CTNNA2: variants seen among roughly 807,000 people sequenced by gnomAD.
The protein encoded by CTNNA2 is catenin alpha 2, also known as catenin alpha-2.
CTNNA2 carries 42 observed loss-of-function variants against 101.0 expected under a neutral mutation model. The observed-to-expected ratio is 0.42, with a 90% CI of 0.32 to 0.54. CTNNA2 has a LOEUF of 0.54. Ranked by LOEUF, CTNNA2 falls within the 20% of genes least tolerant of loss-of-function variation. The pLI, the probability that CTNNA2 is intolerant of heterozygous loss-of-function variation, is 0.14. For synonymous variants in CTNNA2, 450 were observed against 456.4 expected (o/e 0.99, Z 0.18); for missense variants, 871 against 1,223.1 (o/e 0.71, Z 4.29).
At chr2:79,503,197 C>G (rs1159396827) in intron 4 of CTNNA2, among the ~76,000 whole-genome samples, 1 of 151,966 alleles carries the variant, frequency 6.6e-6, no homozygotes, top group Admixed American at 6.6e-5. Flanking sequence ...GAAAATAAGC[C>G]CTCACAAAGA....
intron 7 of CTNNA2, among the ~76,000 whole-genome samples, chr2:79,919,180 G>A (rs1686480586): frequency 6.6e-6 from 1 of 152,176 alleles, no homozygotes; most frequent in East Asian, 1.9e-4. Flanking sequence ...GCTGTTCAGA[G>A]CGGTGCTGTT....
intron 7 of CTNNA2, among the ~76,000 whole-genome samples, chr2:80,073,169 G>C (rs1443506309): frequency 1.3e-5 from 2 of 152,210 alleles, no homozygotes; most frequent in East Asian, 3.9e-4. Flanking sequence ...CATGGGGAAA[G>C]GAGATGCCGG....
At chr2:80,403,732 G>A (rs1678794565) in intron 8 of CTNNA2, among the ~76,000 whole-genome samples, 1 of 152,140 alleles carries the variant, frequency 6.6e-6, no homozygotes, top group South Asian at 2.1e-4. Flanking sequence ...GTATGATATT[G>A]GCTGTGGGTT....
At chr2:79,565,633 G>T (rs1231387597) in intron 1 of CTNNA2, among the ~76,000 whole-genome samples, 1 of 152,180 alleles carries the variant, frequency 6.6e-6, no homozygotes, top group African/African-American at 2.4e-5. Flanking sequence ...CTTCACTCAT[G>T]CTAGTGGTAA....
chr2:80,239,231 C>T (rs1030448115), intron 7 of CTNNA2, among the ~76,000 whole-genome samples: 1 of 152,162 alleles, frequency 6.6e-6, no homozygotes, highest in Non-Finnish European at 1.5e-5. Context: ...GAAGAGTGCT[C>T]TCATGCTGGG....
intron 7 of CTNNA2, chr2:80,289,206 C>T (rs543408287): frequency 2.6e-5 from 4 of 151,982 alleles, no homozygotes; most frequent in Admixed American, 1.3e-4. Context: ...CTGGGAAGAA[C>T]CATAATATTA....
chr2:80,322,926 TTGCCA>T (rs1254993550), intron 7 of CTNNA2, among the ~76,000 whole-genome samples: 1 of 152,200 alleles, frequency 6.6e-6, no homozygotes, highest in Non-Finnish European at 1.5e-5. Context: ...AGCCCACCCC[TTGCCA>T]TTCCAGGCAT....
At chr2:79,715,560 T>C (rs1215865201) in intron 2 of CTNNA2, among the ~76,000 whole-genome samples, 1 of 152,104 alleles carries the variant, frequency 6.6e-6, no homozygotes, top group Non-Finnish European at 1.5e-5. Context: ...CAAACCACAG[T>C]ATACATATAA....
At position 79,768,918 on chromosome 2, in the gene CTNNA2, C is replaced by G. The variant is rs899661412; in HGVS notation, c.298+24336C>G. Among the ~76,000 whole-genome samples the G allele has an allele frequency of 5.3e-5, 8 of 152,108 alleles. No homozygotes were observed. The East Asian group carries it at 5.9e-4, about 11-fold the overall frequency. The stretch of plus-strand genomic sequence containing the variant: ...CGCCCAGGCTGGAGTGCAGTGGCGC[C>G]ATCTCGGCTCACTGCAAGCTCCACC... On this transcript the variant is annotated intron_variant, in intron 3 of 18. Coordinates refer to ENST00000402739, the MANE Select transcript of CTNNA2 (RefSeq NM_001282597.3).
intron 4 of CTNNA2, among the ~76,000 whole-genome samples, chr2:79,440,366 C>T (rs1047901068): frequency 1.3e-5 from 2 of 152,038 alleles, no homozygotes; most frequent in African/African-American, 2.4e-5. Flanking sequence ...GGAACCAATG[C>T]GCTGGAGGGT....
chr2:79,720,730 A>G (rs191719556), intron 2 of CTNNA2, among the ~76,000 whole-genome samples: 1 of 152,088 alleles, frequency 6.6e-6, no homozygotes, highest in East Asian at 1.9e-4. Flanking sequence ...TTTTGTACAT[A>G]TCCAGGAACC....
At chr2:79,841,051 G>A (rs1308434653) in intron 3 of CTNNA2, among the ~76,000 whole-genome samples, 1 of 152,000 alleles carries the variant, frequency 6.6e-6, no homozygotes, top group African/African-American at 2.4e-5. Flanking sequence ...TTACAGGCGT[G>A]AGCCACCGCG....
chr2:80,126,397 A>T (rs1410314038), intron 7 of CTNNA2, among the ~76,000 whole-genome samples: 5 of 151,230 alleles, frequency 3.3e-5, no homozygotes, highest in Non-Finnish European at 7.4e-5. Flanking sequence ...TCAAGGGGAG[A>T]TCTTCTCTGG....
At chr2:79,290,467 C>A (rs373445685) in intron 2 of CTNNA2, among the ~76,000 whole-genome samples, 1 of 152,106 alleles carries the variant, frequency 6.6e-6, no homozygotes. Flanking sequence ...CCTTTGTGCC[C>A]AAATGTTGCA....
chr2:80,115,348 T>C (rs1261898021), intron 7 of CTNNA2, among the ~76,000 whole-genome samples: 2 of 152,176 alleles, frequency 1.3e-5, no homozygotes, highest in African/African-American at 4.8e-5. Context: ...TATACACTTA[T>C]GATAATTGGT....
intron 3 of CTNNA2, among the ~76,000 whole-genome samples, chr2:79,791,792 C>G (rs1209221237): frequency 6.6e-6 from 1 of 152,168 alleles, no homozygotes; most frequent in Non-Finnish European, 1.5e-5. Flanking sequence ...CTAGGGGCTG[C>G]AAATTCTCAG....
chr2:80,420,034 GAAAAAAAAAAAAAAAA>G (rs527701227), intron 9 of CTNNA2, among the ~76,000 whole-genome samples: 1 of 37,518 alleles, frequency 2.7e-5, no homozygotes, highest in Non-Finnish European at 6.0e-5. Context: ...GGGAACTTGT[GAAAAAAAAAAAAAAAA>G]AAAAAAAAAA....
At chr2:79,735,387 C>T (rs552541549) in intron 2 of CTNNA2, among the ~76,000 whole-genome samples, 19 of 152,136 alleles carry the variant, frequency 1.2e-4, no homozygotes, top group African/African-American at 3.6e-4. Flanking sequence ...CACATCTCAC[C>T]GACAACATGA....
chr2:79,215,172 A>C (rs1431862106), intron 2 of CTNNA2, among the ~76,000 whole-genome samples: 2 of 152,120 alleles, frequency 1.3e-5, no homozygotes, highest in Admixed American at 6.5e-5. Context: ...AGGTGAGTTG[A>C]ACAGTCCGAT....
Sources: allele counts gnomAD v4.1 joint callset (sites outside exome capture counted in the v4.1 genomes callset), GRCh38; gene constraint gnomAD v4.1.1; transcripts MANE v1.5; gene names NCBI Gene and HGNC (gene_info 2026-07-23, HGNC 2026-07-21).